TRIM65: variants seen among roughly 807,000 people sequenced by gnomAD.
TRIM65 encodes tripartite motif containing 65.
Under a neutral mutation model 36.1 loss-of-function variants are expected in TRIM65, and 46 were observed. The ratio of observed to expected loss-of-function variants is 1.27; its 90% CI spans 1.01 to 1.63. The LOEUF is 1.63. TRIM65 is among the 40% of genes most tolerant of loss of function. TRIM65 has a pLI of 0.00. For missense variants in TRIM65, 708 were observed against 696.6 expected, an observed-to-expected ratio of 1.02 and a Z score of -0.18; for synonymous variants, 346 against 313.6, an observed-to-expected ratio of 1.10 and a Z score of -1.09.
rs1321322711 is a variant in TRIM65, at chr17:75,896,620, G to A, written c.318C>T (p.Cys106=). The change falls in exon 1 of 6, where the codon TGC becomes TGT. Residue 106 remains cysteine, a synonymous_variant. Transcript: ENST00000269383. ...TGCACACACAGCGGCCCTCGGTCCG[G>A]CAGAAGAGCTCCAGCGGCCGCCCGT... The part of the protein sequence containing the change: ...PRHGRPLELF[C]RTEGRCVCSV... 8.0e-7 allele frequency: 1 copy of A among 1,253,320 alleles called. No homozygotes were observed. Among genetic ancestry groups the A allele is most frequent in the Non-Finnish European group, 1.0e-6 (1 of 1,002,726 alleles). The allele number at this position is 1,253,320 out of a possible 1,614,324, so 77.6% of individuals were successfully genotyped here. A position where few individuals can be genotyped will look rare whatever the true frequency, so the allele number is the denominator to read the frequency against.
At chr17:75,886,391 G>A (rs1015171651), downstream of TRIM65, among the ~76,000 whole-genome samples, 59 of 151,888 alleles carry the variant, frequency 3.9e-4, no homozygotes, top group African/African-American at 1.3e-3. Context: ...GCGTGGTGGC[G>A]GGCACCTGTA....
chr17:75,883,262 G>A lies in TRIM65; in HGVS notation c.350-2633C>T, dbSNP rs528734216. On this transcript the variant is annotated intron_variant, in intron 4 of 4. Coordinates refer to the TRIM65 transcript ENST00000591668. ...CTCCAGAGCAGCTGGGACTATAGGCGTGCACTACCACGACCAGCTAATTTT... is the reference window on the plus strand; with the variant it reads ...CTCCAGAGCAGCTGGGACTATAGGCATGCACTACCACGACCAGCTAATTTT... Among the ~76,000 whole-genome samples the A allele has an allele frequency of 1.9e-4, 29 of 149,352 alleles. No homozygotes were observed. In the South Asian group the frequency reaches 5.2e-3, roughly 27 times the overall value.
At chr17:75,888,164 T>TATAAATAAATAA (rs61543613), downstream of TRIM65, among the ~76,000 whole-genome samples, 1 of 137,022 alleles carries the variant, frequency 7.3e-6, no homozygotes, top group Admixed American at 7.4e-5. Flanking sequence ...TCAAAAAATA[T>TATAAATAAATAA]ATAAATAAAT....
chr17:75,890,901 G>A lies in TRIM65; in HGVS notation c.1432C>T (p.His478Tyr). ...GTGAGGGGCTGGTTGAAGAGGGCAT[G>A]GAAGGTGTACAGGGGCTGGGTCTGG... The part of the protein sequence containing the change: ...EPQTQPLYTF[H>Y]ALFNQPLTPV... The change falls in exon 6 of 6, where the codon CAT becomes TAT. Residue 478 changes from histidine to tyrosine, a missense_variant. His to Tyr is a moderately conservative substitution (Grantham distance 83, BLOSUM62 2). Coordinates refer to ENST00000269383, the MANE Select transcript of TRIM65 (RefSeq NM_173547.4). 2 of 1,545,016 alleles carry A rather than the reference G, an allele frequency of 1.3e-6. No individual in the cohort carries two copies. The highest frequency in any genetic ancestry group is 1.2e-5 in the South Asian group (1 of 83,202).
downstream of TRIM65, among the ~76,000 whole-genome samples, chr17:75,887,615 C>T (rs1463560425): frequency 7.0e-6 from 1 of 143,736 alleles, no homozygotes; most frequent in African/African-American, 2.6e-5. Context: ...CCACCGCACT[C>T]TAGCCTGGGT....
intron 1 of TRIM65, among the ~76,000 whole-genome samples, chr17:75,895,925 G>A (rs1411657337): frequency 6.6e-6 from 1 of 152,166 alleles, no homozygotes; most frequent in East Asian, 1.9e-4. Flanking sequence ...CTAGCGCTTG[G>A]GCACGGAGCA....
downstream of TRIM65, among the ~76,000 whole-genome samples, chr17:75,887,106 T>C (rs1463545329): frequency 3.1e-5 from 4 of 131,070 alleles, no homozygotes; most frequent in Non-Finnish European, 3.1e-5. Context: ...AGAGGTTGCA[T>C]CCTGCCCTTG....
chr17:75,886,318 C>A (rs1281559545), downstream of TRIM65, among the ~76,000 whole-genome samples: 1 of 151,886 alleles, frequency 6.6e-6, no homozygotes, highest in Non-Finnish European at 1.5e-5. Flanking sequence ...GTCAGGAGAT[C>A]GAGACCATCC....
rs1034266444 is a variant in TRIM65, at chr17:75,896,665, A to AGGGTCGGGGCCGGGGCCG, written c.255_272dup (p.Gly86_Pro91dup). The AGGGTCGGGGCCGGGGCCG allele has an allele frequency of 1.6e-4, 202 of 1,249,476 alleles. No homozygotes were observed. The African/African-American group carries it at 2.9e-3, about 18-fold the overall frequency. 77.4% of individuals were successfully genotyped at this position (1,249,476 alleles called of 1,614,324 possible). ...GCCCGTGGCGGGGGCAGCGCGCGGC[A>AGGGTCGGGGCCGGGGCCG]GGGTCGGGGCCGGGGCCGGGATCGG... On this transcript the variant is annotated inframe_insertion, in exon 1 of 6. Transcript: ENST00000269383.
chr17:75,895,512 C>T (rs1374172926), intron 1 of TRIM65, among the ~76,000 whole-genome samples: 1 of 152,208 alleles, frequency 6.6e-6, no homozygotes, highest in East Asian at 1.9e-4. Flanking sequence ...TGGCACAAAT[C>T]TGCCACTAGG....
At chr17:75,884,227 G>C (rs2065189504), downstream of TRIM65, among the ~76,000 whole-genome samples, 1 of 152,182 alleles carries the variant, frequency 6.6e-6, no homozygotes, top group African/African-American at 2.4e-5. Flanking sequence ...GGAGGCCGAG[G>C]CGGGCGGGTC....
Position 75,896,657 on chromosome 17 carries a change from C to CG in TRIM65, c.280dup (p.Arg94ProfsTer150), listed in dbSNP as rs1020414686. On this transcript the variant is annotated frameshift_variant, in exon 1 of 6. Transcript: ENST00000269383. LOFTEE classifies it high-confidence loss of function. ...CAGCGGCCGCCCGTGGCGGGGGCAG[C>CG]GCGCGGCAGGGTCGGGGCCGGGGCC... 8.9e-6 allele frequency: 11 copies of CG among 1,242,752 alleles called. No individual in the cohort carries two copies. The highest frequency in any genetic ancestry group is 1.1e-5 in the Non-Finnish European group (11 of 997,654). The allele number at this position is 1,242,752 out of a possible 1,614,324, so 77.0% of individuals were successfully genotyped here.
Position 75,896,604 on chromosome 17 carries a change from A to G in TRIM65, c.334T>C (p.Cys112Arg). ...CGCACGGTGCACACGCTGCACACAC[A>G]GCGGCCCTCGGTCCGGCAGAAGAGC... is the stretch of plus-strand genomic sequence containing the variant. ...LELFCRTEGR[C>R]VCSVCTVREC... is the part of the protein sequence containing the mutation. Residue 112 changes from cysteine to arginine, a missense_variant, in exon 1 of 6, where the codon TGT (cysteine) becomes CGT (arginine). Transcript: ENST00000269383. 7.9e-7 allele frequency: 1 copy of G among 1,270,146 alleles called. No individual in the cohort carries two copies. The highest frequency in any genetic ancestry group is 9.9e-7 in the Non-Finnish European group (1 of 1,010,988). The allele number at this position is 1,270,146 out of a possible 1,614,324, so 78.7% of individuals were successfully genotyped here.
At chr17:75,884,311 T>C (rs59623743), downstream of TRIM65, among the ~76,000 whole-genome samples, 38,439 of 151,340 alleles carry the variant, frequency 0.25, 6,040 homozygotes, top group African/African-American at 0.44. Flanking sequence ...TACAAAAAAT[T>C]AGCCGGGCGT....
downstream of TRIM65, among the ~76,000 whole-genome samples, chr17:75,884,772 C>G (rs1478606357): frequency 6.6e-6 from 1 of 152,130 alleles, no homozygotes; most frequent in Admixed American, 6.6e-5. Flanking sequence ...GCGCACGCCA[C>G]CATGCCAGGC....
In TRIM65 at chr17:75,896,504, G is replaced by A; in HGVS notation, c.414+20C>T. 2.3e-6 allele frequency: 3 copies of A among 1,313,744 alleles called. No individual in the cohort carries two copies. Among genetic ancestry groups the A allele is most frequent in the Non-Finnish European group, 2.9e-6 (3 of 1,033,328 alleles). The allele number at this position is 1,313,744 out of a possible 1,614,324, so 81.4% of individuals were successfully genotyped here. On this transcript the variant is annotated intron_variant, in intron 1 of 5. Transcript: ENST00000269383. ...GCTGCGGCGGGTCCGGACCCCTCCC[G>A]CTCCCGGCGGATGCGTCACCTCGCG... is the stretch of plus-strand genomic sequence containing the variant.
chr17:75,891,017 TC>T lies in TRIM65; in HGVS notation c.1315del (p.Glu439LysfsTer59). 1 of 1,606,384 alleles carries T rather than the reference TC, an allele frequency of 6.2e-7. No homozygotes were observed. The highest frequency in any genetic ancestry group is 8.5e-7 in the Non-Finnish European group (1 of 1,176,850). ...EDSLQAWHNG[E>X]AQRLPGVSGR... is the part of the protein sequence containing the mutation. ...TGACACCCCTGGGAGGCGCTGGGCT[TC>T]CCCGTTGTGCCAGGCCTGGAGGCTG... is the stretch of plus-strand genomic sequence containing the variant. On this transcript the variant is annotated frameshift_variant, in exon 6 of 6. Transcript: ENST00000269383. LOFTEE classifies it low-confidence loss of function (END_TRUNC).
downstream of TRIM65, among the ~76,000 whole-genome samples, chr17:75,886,349 C>T (rs1375968069): frequency 6.6e-6 from 1 of 151,836 alleles, no homozygotes; most frequent in Non-Finnish European, 1.5e-5. Flanking sequence ...GGTGAAACCC[C>T]GTCTCTACTA....
At chr17:75,886,113 G>A (rs1027517761), downstream of TRIM65, among the ~76,000 whole-genome samples, 5 of 152,244 alleles carry the variant, frequency 3.3e-5, no homozygotes, top group African/African-American at 9.6e-5. Flanking sequence ...AGGGCAGTTC[G>A]CCTGCACACG....
Sources: gnomAD v4.1 joint callset for allele counts (sites outside exome capture counted in the v4.1 genomes callset) on GRCh38, gnomAD v4.1.1 for gene constraint, MANE v1.5 for transcripts, NCBI Gene and HGNC (gene_info 2026-07-23, HGNC 2026-07-21) for gene names.